SLC30A9: variants seen among roughly 807,000 people sequenced by gnomAD.
SLC30A9 encodes the protein solute carrier family 30 member 9.
SLC30A9 carries 58 observed loss-of-function variants against 87.5 expected under a neutral mutation model. The observed-to-expected ratio is 0.66, with a 90% CI of 0.54 to 0.82. The LOEUF (loss-of-function observed/expected upper bound fraction) is 0.82. Ranked by LOEUF, SLC30A9 falls within the 40% of genes least tolerant of loss-of-function variation. The pLI is 0.00. For missense variants in SLC30A9, 557 were observed against 679.1 expected (o/e 0.82, Z 2.00); for synonymous variants, 234 against 233.0 (o/e 1.00, Z -0.04).
rs749813692 is a variant in SLC30A9, at chr4:42,018,189, A to G, written c.334+19A>G. On this transcript the variant is annotated intron_variant, in intron 3 of 17. Transcript: ENST00000264451. ...GTAAGAGGTAAATATATTTTATCCTATTTTTGTATTATAAAGATGTTTTGA... is the reference window on the plus strand; with the variant it reads ...GTAAGAGGTAAATATATTTTATCCTGTTTTTGTATTATAAAGATGTTTTGA... The G allele has an allele frequency of 2.9e-6, 4 of 1,389,750 alleles. No individual in the cohort carries two copies. The highest frequency in any genetic ancestry group is 2.4e-5 in the East Asian group (1 of 42,310). The allele number at this position is 1,389,750 out of a possible 1,614,324, so 86.1% of individuals were successfully genotyped here. A position where few individuals can be genotyped will look rare whatever the true frequency, so the allele number is the denominator to read the frequency against.
chr4:42,073,813 C>T (rs1718414095), intron 15 of SLC30A9, among the ~76,000 whole-genome samples: 1 of 152,200 alleles, frequency 6.6e-6, no homozygotes, highest in South Asian at 2.1e-4. Context: ...GAAATGACAT[C>T]TCATCACTTT....
intron 1 of SLC30A9, among the ~76,000 whole-genome samples, chr4:42,000,780 T>C (rs894687837): frequency 1.7e-4 from 26 of 152,064 alleles, no homozygotes; most frequent in African/African-American, 6.3e-4. Context: ...GTTTCAACTC[T>C]TAAATGCTTA....
intron 9 of SLC30A9, among the ~76,000 whole-genome samples, chr4:42,052,355 T>G (rs1263234913): frequency 6.6e-6 from 1 of 152,238 alleles, no homozygotes; most frequent in South Asian, 2.1e-4. Context: ...ACAGATATAA[T>G]GGAGTTCCAT....
rs748696224 is a variant in SLC30A9, at chr4:42,070,586, C to G, written c.1313C>G (p.Ser438Ter). 1 of 1,613,912 alleles carries G rather than the reference C, an allele frequency of 6.2e-7. No homozygotes were observed. The highest frequency in any genetic ancestry group is 8.5e-7 in the Non-Finnish European group (1 of 1,179,872). The change falls in exon 15 of 18, where the codon TCA (serine) becomes TGA (stop). Residue 438 changes from serine to a stop codon, truncating the protein, a stop_gained. Coordinates refer to ENST00000264451, the MANE Select transcript of SLC30A9 (RefSeq NM_006345.4). LOFTEE classifies it high-confidence loss of function. The part of the protein sequence containing the change: ...LGVGTLLGMV[S>*]AFLIYTNTEA... ...GTGGGCACCTTATTAGGCATGGTCT[C>G]AGCATTCCTCATCTACACTAACACA...
intron 6 of SLC30A9, among the ~76,000 whole-genome samples, chr4:42,031,425 T>G (rs1488564330): frequency 3.9e-5 from 6 of 152,262 alleles, no homozygotes; most frequent in Admixed American, 3.9e-4. Context: ...CTGACTTCAA[T>G]TGGAAGTGAT....
chr4:42,007,012 A>G (rs1056901734), intron 2 of SLC30A9, among the ~76,000 whole-genome samples: 1 of 152,142 alleles, frequency 6.6e-6, no homozygotes, highest in African/African-American at 2.4e-5. Flanking sequence ...TTATTAATAC[A>G]AGTAGGGGAG....
intron 11 of SLC30A9, among the ~76,000 whole-genome samples, chr4:42,064,482 A>G (rs531669217): frequency 2.6e-5 from 4 of 152,332 alleles, no homozygotes; most frequent in South Asian, 2.1e-4. Context: ...CTAGTTTTCT[A>G]TAGTTTTGAT....
Position 42,088,035 on chromosome 4 carries a change from G to A in SLC30A9, c.*1909G>A, listed in dbSNP as rs2153142021. ...CCCTAATAAAAAAAAAAAAAATTCTGATATTTCTTTTTAAATCTGATTTTG... is the reference window on the plus strand; with the variant it reads ...CCCTAATAAAAAAAAAAAAAATTCTAATATTTCTTTTTAAATCTGATTTTG... On this transcript the variant is annotated 3_prime_UTR_variant, in exon 18 of 18. Transcript: ENST00000264451. 1 of 149,294 alleles carries A rather than the reference G, an allele frequency of 6.7e-6. No homozygotes were observed. The highest frequency in any genetic ancestry group is 1.9e-4 in the East Asian group (1 of 5,130). The allele number at this position is 149,294 out of a possible 1,614,324, so 9.2% of individuals were successfully genotyped here.
chr4:42,006,776 C>T (rs924243087), intron 2 of SLC30A9, among the ~76,000 whole-genome samples: 2 of 150,986 alleles, frequency 1.3e-5, no homozygotes, highest in South Asian at 2.1e-4. Context: ...GAGGATTTGG[C>T]GGTGGGGTTG....
At chr4:41,994,676 A>G (rs1195798875) in intron 1 of SLC30A9, among the ~76,000 whole-genome samples, 2 of 151,480 alleles carry the variant, frequency 1.3e-5, no homozygotes, top group East Asian at 3.9e-4. Flanking sequence ...AAGAGTATTG[A>G]CAGTTACAAA....
intron 17 of SLC30A9, among the ~76,000 whole-genome samples, chr4:42,082,935 T>G (rs1718795017): frequency 6.6e-6 from 1 of 152,164 alleles, no homozygotes; most frequent in Non-Finnish European, 1.5e-5. Context: ...GATTCCCATA[T>G]TACAAGATAG....
intron 12 of SLC30A9, among the ~76,000 whole-genome samples, 197 bp downstream of exon 12, chr4:42,065,546 G>T (rs1376453987): frequency 1.3e-5 from 2 of 152,168 alleles, no homozygotes; most frequent in African/African-American, 2.4e-5. Context: ...GCTGTGGGGG[G>T]GTGTGTAACT....
chr4:42,067,079 G>A lies in SLC30A9; in HGVS notation c.1145-6G>A. The A allele has an allele frequency of 6.4e-7, 1 of 1,559,270 alleles. No homozygotes were observed. ...TTTCTTGTCTTGTCTCTTCCCCAAT[G>A]ACTAGTAATGGAAAGTCGTGATCCT... On this transcript the variant is annotated splice_polypyrimidine_tract_variant and splice_region_variant and intron_variant, in intron 13 of 17. Transcript: ENST00000264451.
chr4:42,062,528 T>C (rs1717898578), intron 10 of SLC30A9, among the ~76,000 whole-genome samples: 1 of 152,216 alleles, frequency 6.6e-6, no homozygotes, highest in Admixed American at 6.5e-5. Flanking sequence ...CAATAAATTA[T>C]GTGTTGTAAA....
At position 42,013,118 on chromosome 4, in the gene SLC30A9, A is replaced by G. The variant is rs527589510; in HGVS notation, c.275-4993A>G. Among the ~76,000 whole-genome samples, 4 of 151,918 alleles carry G rather than the reference A, an allele frequency of 2.6e-5. No individual in the cohort carries two copies. In the South Asian group the frequency reaches 8.3e-4, roughly 32 times the overall value. On this transcript the variant is annotated intron_variant, in intron 2 of 17. Transcript: ENST00000264451. The stretch of plus-strand genomic sequence containing the variant: ...CAACATAGTGAGACTTCATCTCTAC[A>G]AAAAATTTAAAAATTAACTTTGATG...
At chr4:42,018,434 C>A in intron 3 of SLC30A9, 1 of 1,280,890 alleles carries the variant, frequency 7.8e-7, no homozygotes, top group Admixed American at 2.7e-5. Flanking sequence ...ATTGCATTAT[C>A]ATTTTTAGAA....
At chr4:42,073,841 T>C (rs1310429081) in intron 15 of SLC30A9, among the ~76,000 whole-genome samples, 2 of 152,230 alleles carry the variant, frequency 1.3e-5, no homozygotes, top group South Asian at 2.1e-4. Flanking sequence ...TTGGTAGTTA[T>C]AGCCCACATT....
chr4:42,023,489 C>T (rs541428964), intron 6 of SLC30A9, 105 bp downstream of exon 6: 77 of 649,990 alleles, frequency 1.2e-4, no homozygotes, highest in Non-Finnish European at 4.0e-5. Context: ...GGCCTAGGCT[C>T]TGTTGCTTCC....
At chr4:42,001,815 A>G (rs1274486756) in intron 2 of SLC30A9, 35 bp downstream of exon 2, 4 of 1,482,390 alleles carry the variant, frequency 2.7e-6, no homozygotes, top group African/African-American at 1.4e-5. Context: ...TTTTTTCTGT[A>G]TACTGGAATA....
Sources: gnomAD v4.1 joint callset for allele counts (sites outside exome capture counted in the v4.1 genomes callset) on GRCh38, gnomAD v4.1.1 for gene constraint, MANE v1.5 for transcripts, NCBI Gene and HGNC (gene_info 2026-07-23, HGNC 2026-07-21) for gene names.